Variants in ANO1 observed in about 807,000 individuals in gnomAD.
ANO1 encodes the protein anoctamin 1.
A neutral mutation model predicts 124.0 loss-of-function variants in ANO1; 59 were observed. The observed-to-expected ratio is 0.48, with a 90% CI of 0.39 to 0.59. The LOEUF (loss-of-function observed/expected upper bound fraction) is 0.59, where lower values mean the gene tolerates loss of function less well. Ranked by LOEUF, ANO1 falls within the 20% of genes least tolerant of loss-of-function variation. The probability of loss-of-function intolerance (pLI) is 0.00; values close to 1 mark genes in which losing one functional copy is unlikely to be tolerated. For missense variants in ANO1, 1,059 were observed against 1,328.0 expected, an observed-to-expected ratio of 0.80 and a Z score of 3.15; for synonymous variants, 529 against 532.0, an observed-to-expected ratio of 0.99 and a Z score of 0.08.
chr11:70,067,603 C>T (rs77788106), intron 1 of ANO1, among the ~76,000 whole-genome samples: 14,708 of 152,284 alleles, frequency 0.097, 1,005 homozygotes, highest in Admixed American at 0.18. Context: ...GTTGGGATTA[C>T]AGGCATGAGC....
At chr11:69,970,773 C>T in the ANO1 span, among the ~76,000 whole-genome samples, 5 of 152,346 alleles carry the variant, frequency 3.3e-5, no homozygotes, top group South Asian at 1.0e-3. Context: ...ATTCCAGGAT[C>T]CCAAGGCTGG....
chr11:69,980,852 G>A, the ANO1 span, among the ~76,000 whole-genome samples: 1 of 152,078 alleles, frequency 6.6e-6, no homozygotes, highest in South Asian at 2.1e-4. Flanking sequence ...AAGAGATCGA[G>A]ACCATCCTGG....
chr11:70,073,901 C>A (rs1395342832), upstream of ANO1, among the ~76,000 whole-genome samples: 2 of 142,932 alleles, frequency 1.4e-5, no homozygotes, highest in East Asian at 2.2e-4. Flanking sequence ...GAGCTTCGGC[C>A]GGCAGTTTCC....
At chr11:70,078,752 C>G in intron 1 of ANO1, 38 bp downstream of exon 1, 1 of 1,353,238 alleles carries the variant, frequency 7.4e-7, no homozygotes, top group Non-Finnish European at 9.7e-7. Context: ...GGGAGGGCCG[C>G]GCACCTGCGC....
chr11:70,098,172 T>C (rs556718418), intron 2 of ANO1, among the ~76,000 whole-genome samples: 1 of 152,268 alleles, frequency 6.6e-6, no homozygotes, highest in East Asian at 1.9e-4. Context: ...GTCCTGTGCC[T>C]TCCTAATGGG....
At chr11:69,986,933 G>A (rs1161145470) in intron 1 of ANO1, among the ~76,000 whole-genome samples, 2 of 152,142 alleles carry the variant, frequency 1.3e-5, no homozygotes, top group Admixed American at 6.5e-5. Flanking sequence ...CTGAAGCCCT[G>A]GTTAGGAGGC....
intron 1 of ANO1, among the ~76,000 whole-genome samples, chr11:70,071,277 T>TTA (rs1857868395): frequency 6.6e-6 from 1 of 152,216 alleles, no homozygotes; most frequent in Non-Finnish European, 1.5e-5. Context: ...CCTTAAATAG[T>TTA]AAAAGGGTCC....
At chr11:69,999,966 A>G (rs1856350412) in intron 1 of ANO1, among the ~76,000 whole-genome samples, 1 of 152,144 alleles carries the variant, frequency 6.6e-6, no homozygotes, top group Non-Finnish European at 1.5e-5. Context: ...TTCTATTCAG[A>G]GCACGGCCCA....
intron 23 of ANO1, 30 bp from the exon 24 acceptor site, chr11:70,182,472 G>A (rs373374893): frequency 2.4e-4 from 360 of 1,472,638 alleles, no homozygotes; most frequent in Admixed American, 8.7e-4. Context: ...CAGGCTGGGG[G>A]TCCCCCTCAC....
upstream of ANO1, among the ~76,000 whole-genome samples, chr11:69,984,265 G>A (rs1409639446): frequency 6.6e-6 from 1 of 152,140 alleles, no homozygotes; most frequent in African/African-American, 2.4e-5. Flanking sequence ...ATCCTCTTTT[G>A]CCCTCCTGGG....
intron 1 of ANO1, among the ~76,000 whole-genome samples, chr11:70,032,737 G>A (rs1857025410): frequency 1.3e-5 from 2 of 152,168 alleles, no homozygotes; most frequent in South Asian, 2.1e-4. Flanking sequence ...TCATCTGGGT[G>A]TGAAGGAGAG....
At chr11:70,004,930 T>C (rs1161332032) in intron 1 of ANO1, among the ~76,000 whole-genome samples, 1 of 152,032 alleles carries the variant, frequency 6.6e-6, no homozygotes, top group Non-Finnish European at 1.5e-5. Flanking sequence ...CTGGCCAACA[T>C]TGCAAAACCC....
upstream of ANO1, among the ~76,000 whole-genome samples, chr11:69,981,508 T>C (rs570580189): frequency 2.5e-3 from 386 of 152,338 alleles, 2 homozygotes; most frequent in Middle Eastern, 0.031. Flanking sequence ...GCCTCTTCTG[T>C]CCAAGGGCCC....
chr11:70,169,144 C>T (rs1051692931), intron 21 of ANO1, among the ~76,000 whole-genome samples: 4 of 152,190 alleles, frequency 2.6e-5, no homozygotes, highest in East Asian at 1.9e-4. Flanking sequence ...CGAGCACAGC[C>T]TGCAGTGGGC....
At chr11:70,006,911 C>T (rs1856502593) in intron 1 of ANO1, among the ~76,000 whole-genome samples, 1 of 152,070 alleles carries the variant, frequency 6.6e-6, no homozygotes, top group Admixed American at 6.6e-5. Context: ...TTCAGGTGAT[C>T]CGCCCGCCTC....
intron 1 of ANO1, among the ~76,000 whole-genome samples, chr11:70,062,619 C>G (rs1857614262): frequency 6.6e-6 from 1 of 152,204 alleles, no homozygotes; most frequent in Non-Finnish European, 1.5e-5. Context: ...CTCCCCTGGA[C>G]TACCATGTGC....
chr11:70,137,257 A>G (rs1467826831), intron 11 of ANO1, among the ~76,000 whole-genome samples: 2 of 146,148 alleles, frequency 1.4e-5, no homozygotes, highest in Non-Finnish European at 3.0e-5. Flanking sequence ...TCCCCATTTC[A>G]CAGAGGAGGA....
chr11:70,107,459 G>C (rs976140675), intron 5 of ANO1, among the ~76,000 whole-genome samples: 4 of 144,744 alleles, frequency 2.8e-5, no homozygotes, highest in Non-Finnish European at 1.5e-5. Context: ...CCAGGGGGCG[G>C]GGTTGTTGGG....
intron 1 of ANO1, among the ~76,000 whole-genome samples, chr11:69,993,342 C>T (rs1591021075): frequency 6.6e-6 from 1 of 152,140 alleles, no homozygotes; most frequent in African/African-American, 2.4e-5. Flanking sequence ...AAAGTCTGAA[C>T]ATGGTGGAAA....
Sources: allele counts gnomAD v4.1 joint callset (sites outside exome capture counted in the v4.1 genomes callset), GRCh38; gene constraint gnomAD v4.1.1; transcripts MANE v1.5; gene names NCBI Gene and HGNC (gene_info 2026-07-23, HGNC 2026-07-21).